Variants in HECW1 observed in about 807,000 individuals in gnomAD.
HECW1 encodes HECT, C2 and WW domain containing E3 ubiquitin protein ligase 1.
HECW1 carries 61 observed loss-of-function variants against 182.3 expected under a neutral mutation model. The ratio of observed to expected loss-of-function variants is 0.33; its 90% CI spans 0.27 to 0.41. The LOEUF (loss-of-function observed/expected upper bound fraction) is 0.41. HECW1 is among the 10% of genes least tolerant of loss of function. HECW1 has a pLI of 1.00. For missense variants in HECW1, 1,739 were observed against 2,108.9 expected (o/e 0.82, Z 3.44); for synonymous variants, 859 against 832.6 (o/e 1.03, Z -0.55).
At chr7:43,283,755 C>G (rs911008522) in intron 3 of HECW1, among the ~76,000 whole-genome samples, 4 of 152,138 alleles carry the variant, frequency 2.6e-5, no homozygotes, top group Admixed American at 2.6e-4. Flanking sequence ...AAAGTAGGAC[C>G]TTGACTTGGA....
intron 2 of HECW1, among the ~76,000 whole-genome samples, chr7:43,181,571 A>T (rs1311853142): frequency 6.6e-6 from 1 of 150,602 alleles, no homozygotes; most frequent in Admixed American, 6.6e-5. Flanking sequence ...TTTGATTTGC[A>T]TTTCTCTGAT....
chr7:43,212,306 C>T (rs551277021), intron 2 of HECW1, among the ~76,000 whole-genome samples: 1 of 152,302 alleles, frequency 6.6e-6, no homozygotes, highest in Admixed American at 6.5e-5. Context: ...ATCATACACT[C>T]TTTATTTACA....
chr7:43,428,949 G>A lies in HECW1; in HGVS notation c.802-9054G>A, dbSNP rs143172998. 8.6e-3 allele frequency among the ~76,000 whole-genome samples: 1,311 copies of A among 151,708 alleles called. 20 individuals carry two copies. Among genetic ancestry groups the A allele is most frequent in the African/African-American group, 0.03 (1,231 of 41,380 alleles). Reference sequence around the variant, plus strand: ...AGACATAGACAGAATACATATATGTGTAATATATGTATGTGTATATGTATG... The same window carrying A: ...AGACATAGACAGAATACATATATGTATAATATATGTATGTGTATATGTATG... On this transcript the variant is annotated intron_variant, in intron 8 of 29. Transcript: ENST00000395891.
At position 43,445,226 on chromosome 7, in the gene HECW1, C is replaced by A; in HGVS notation, c.2054C>A (p.Ser685Tyr). 6.2e-7 allele frequency: 1 copy of A among 1,613,198 alleles called. No homozygotes were observed. The highest frequency in any genetic ancestry group is 8.5e-7 in the Non-Finnish European group (1 of 1,179,640). Residue 685 changes from serine (S) to tyrosine (Y), a missense_variant, in exon 11 of 30, where the codon TCC (serine) becomes TAC (tyrosine). This residue lies in a region of HECW1 where 971 missense variants were observed against 1,029.1 expected (regional missense o/e 0.94). Transcript: ENST00000395891. ...ASCCSPSCYSSSCYSTSCYSS... is the reference protein window; with the variant it reads ...ASCCSPSCYSYSCYSTSCYSS... ...TGCTGCAGCCCCTCGTGCTACAGCTCCTCGTGCTACAGCACGTCCTGCTAC... is the reference window on the plus strand; with the variant it reads ...TGCTGCAGCCCCTCGTGCTACAGCTACTCGTGCTACAGCACGTCCTGCTAC...
At chr7:43,224,672 G>A (rs996210414) in intron 2 of HECW1, among the ~76,000 whole-genome samples, 43 of 123,828 alleles carry the variant, frequency 3.5e-4, no homozygotes, top group Middle Eastern at 4.5e-3. Context: ...ATAAAAAGCC[G>A]GCCATGGTGG....
intron 5 of HECW1, among the ~76,000 whole-genome samples, chr7:43,354,203 C>G (rs914932424): frequency 2.7e-5 from 4 of 146,862 alleles, no homozygotes; most frequent in African/African-American, 9.9e-5. Context: ...AAAAAAAAGG[C>G]CAGACAGAGA....
intron 2 of HECW1, among the ~76,000 whole-genome samples, chr7:43,132,257 G>C (rs949525351): frequency 1.3e-5 from 2 of 149,084 alleles, no homozygotes; most frequent in Non-Finnish European, 2.9e-5. Flanking sequence ...TTTTGATGCA[G>C]TTTAAGATGT....
At chr7:43,299,207 C>A (rs567711649) in intron 3 of HECW1, among the ~76,000 whole-genome samples, 2 of 152,298 alleles carry the variant, frequency 1.3e-5, no homozygotes, top group South Asian at 2.1e-4. Context: ...GAGGTAGTAC[C>A]AATTCAACTG....
At chr7:43,482,031 G>A (rs2078457634) in intron 17 of HECW1, among the ~76,000 whole-genome samples, 2 of 151,470 alleles carry the variant, frequency 1.3e-5, no homozygotes, top group Non-Finnish European at 2.9e-5. Context: ...TGATGAAAGG[G>A]CGTTGCTGTG....
At chr7:43,376,449 G>A (rs1459092310) in intron 6 of HECW1, among the ~76,000 whole-genome samples, 1 of 152,176 alleles carries the variant, frequency 6.6e-6, no homozygotes, top group Non-Finnish European at 1.5e-5. Flanking sequence ...TGGACACCAT[G>A]CCCTTTACTC....
intron 2 of HECW1, among the ~76,000 whole-genome samples, chr7:43,152,674 T>C (rs535905806): frequency 6.6e-6 from 1 of 152,334 alleles, no homozygotes; most frequent in East Asian, 1.9e-4. Flanking sequence ...TATTTCCTGT[T>C]AGAAGCTTTC....
At chr7:43,344,775 C>G (rs1192011670) in intron 5 of HECW1, among the ~76,000 whole-genome samples, 3 of 152,002 alleles carry the variant, frequency 2.0e-5, no homozygotes, top group Admixed American at 6.6e-5. Flanking sequence ...AATTTCTCCT[C>G]TGTGTTGTTT....
rs373821793 is a variant in HECW1, at chr7:43,311,714, G to A, written c.28-49G>A. ...TCGTTTTCGTGTGATGACGGTGACT[G>A]AGTTGCCGGCGTGCCCTGACCCTGC... On this transcript the variant is annotated intron_variant, in intron 3 of 29. Transcript: ENST00000395891. 3.2e-6 allele frequency: 5 copies of A among 1,554,414 alleles called. No homozygotes were observed. The African/African-American group carries it at 6.8e-5, about 21-fold the overall frequency.
At chr7:43,227,155 A>G (rs1797502622) in intron 2 of HECW1, among the ~76,000 whole-genome samples, 1 of 152,138 alleles carries the variant, frequency 6.6e-6, no homozygotes. Flanking sequence ...CATTCCTGTC[A>G]CTGACAGAAA....
chr7:43,514,289 T>C (rs148362253), intron 24 of HECW1, among the ~76,000 whole-genome samples: 299 of 143,478 alleles, frequency 2.1e-3, no homozygotes, highest in African/African-American at 6.9e-3. Flanking sequence ...AATTTCTTTT[T>C]TCTTTTCTTT....
chr7:43,343,757 T>G (rs1396302839), intron 5 of HECW1, among the ~76,000 whole-genome samples: 1 of 151,894 alleles, frequency 6.6e-6, no homozygotes, highest in Non-Finnish European at 1.5e-5. Context: ...AGTAGCATGA[T>G]TTATAATCCT....
At chr7:43,350,643 T>C (rs1162120804) in intron 5 of HECW1, among the ~76,000 whole-genome samples, 1 of 152,222 alleles carries the variant, frequency 6.6e-6, no homozygotes, top group Non-Finnish European at 1.5e-5. Context: ...CTTCTACTTG[T>C]TCAGTTCTAT....
At chr7:43,411,134 G>A (rs1438951172) in intron 8 of HECW1, among the ~76,000 whole-genome samples, 1 of 149,652 alleles carries the variant, frequency 6.7e-6, no homozygotes, top group Non-Finnish European at 1.5e-5. Context: ...TAAGCAATAA[G>A]TTTTCTTCTA....
chr7:43,174,125 G>A (rs1384284330), intron 2 of HECW1, among the ~76,000 whole-genome samples: 1 of 152,160 alleles, frequency 6.6e-6, no homozygotes, highest in African/African-American at 2.4e-5. Context: ...ACAGGCATGA[G>A]CCACAGTGCC....
Sources: gnomAD v4.1 joint callset for allele counts (sites outside exome capture counted in the v4.1 genomes callset) on GRCh38, gnomAD v4.1.1 for gene constraint, gnomAD v4.1.1 regional missense constraint, MANE v1.5 for transcripts, NCBI Gene and HGNC (gene_info 2026-07-23, HGNC 2026-07-21) for gene names.